Variants in SELENOF observed in about 807,000 individuals in gnomAD.
The protein encoded by SELENOF is selenoprotein F.
Under a neutral mutation model 20.5 loss-of-function variants are expected in SELENOF, and 16 were observed. That is an observed-to-expected ratio of 0.78 (90% confidence interval 0.53 to 1.19). SELENOF has a LOEUF of 1.19. SELENOF is among the 50% of genes most tolerant of loss of function. The pLI, the probability that SELENOF is intolerant of heterozygous loss-of-function variation, is 0.00. For synonymous variants in SELENOF, 78 were observed against 74.5 expected, an observed-to-expected ratio of 1.05 and a Z score of -0.24; for missense variants, 215 against 194.2, an observed-to-expected ratio of 1.11 and a Z score of -0.64.
intron 1 of SELENOF, among the ~76,000 whole-genome samples, chr1:86,911,130 G>A (rs1291787815): frequency 6.6e-6 from 1 of 152,216 alleles, no homozygotes; most frequent in East Asian, 1.9e-4. Context: ...ACTATGGAAC[G>A]TATCTCAGAG....
intron 1 of SELENOF, among the ~76,000 whole-genome samples, chr1:86,911,356 G>C (rs1659976001): frequency 6.6e-6 from 1 of 152,190 alleles, no homozygotes; most frequent in Non-Finnish European, 1.5e-5. Flanking sequence ...TCAAAGGTCT[G>C]GTGAGGGAGA....
intron 2 of SELENOF, among the ~76,000 whole-genome samples, chr1:86,884,070 C>G (rs1659146899): frequency 6.6e-6 from 1 of 152,158 alleles, no homozygotes; most frequent in Non-Finnish European, 1.5e-5. Flanking sequence ...TGTAACTTGA[C>G]AGCAGACAGG....
At chr1:86,873,519 A>G (rs1343711049) in intron 3 of SELENOF, among the ~76,000 whole-genome samples, 5 of 152,154 alleles carry the variant, frequency 3.3e-5, no homozygotes, top group African/African-American at 1.2e-4. Flanking sequence ...AAATGTAGCT[A>G]GTGTGTCTAA....
At chr1:86,886,924 C>T (rs1659233373) in intron 2 of SELENOF, among the ~76,000 whole-genome samples, 1 of 152,134 alleles carries the variant, frequency 6.6e-6, no homozygotes, top group Admixed American at 6.5e-5. Context: ...AAATGAGTCA[C>T]TTTTCCAAAC....
intron 2 of SELENOF, chr1:86,887,079 T>C: frequency 1.4e-6 from 2 of 1,407,572 alleles, no homozygotes; most frequent in East Asian, 2.8e-5. Context: ...TGTTTAGTGA[T>C]CTACTGGTGT....
chr1:86,879,034 T>A (rs1276088290), intron 3 of SELENOF, among the ~76,000 whole-genome samples: 1 of 152,120 alleles, frequency 6.6e-6, no homozygotes, highest in African/African-American at 2.4e-5. Flanking sequence ...ATAATTTACA[T>A]AAGAAATATA....
chr1:86,899,410 G>A (rs1659614154), intron 2 of SELENOF, among the ~76,000 whole-genome samples: 1 of 126,382 alleles, frequency 7.9e-6, no homozygotes, highest in Non-Finnish European at 1.6e-5. Flanking sequence ...TGGCCGGGCA[G>A]GGGGCCGACC....
chr1:86,886,690 C>T (rs1433429003), intron 2 of SELENOF, among the ~76,000 whole-genome samples: 1 of 151,878 alleles, frequency 6.6e-6, no homozygotes, highest in Non-Finnish European at 1.5e-5. Context: ...TGCTATGTAG[C>T]AATATGAAGA....
chr1:86,885,181 C>T (rs916990529), intron 2 of SELENOF, among the ~76,000 whole-genome samples: 4 of 152,050 alleles, frequency 2.6e-5, no homozygotes, highest in Non-Finnish European at 5.9e-5. Flanking sequence ...TTGAGCATCT[C>T]AAATCTGAAA....
intron 1 of SELENOF, among the ~76,000 whole-genome samples, chr1:86,907,078 A>G (rs926531924): frequency 6.6e-6 from 1 of 152,260 alleles, no homozygotes; most frequent in Non-Finnish European, 1.5e-5. Flanking sequence ...TATGCAAAAC[A>G]TCATGTATTT....
intron 3 of SELENOF, among the ~76,000 whole-genome samples, chr1:86,868,716 A>T (rs1166039887): frequency 1.3e-5 from 2 of 152,226 alleles, no homozygotes; most frequent in East Asian, 3.9e-4. Flanking sequence ...GGAGAGGTTA[A>T]AAATACTACC....
chr1:86,903,596 ATTTAAT>A (rs1400306055), intron 1 of SELENOF, 148 bp from the exon 2 acceptor site: 4 of 633,414 alleles, frequency 6.3e-6, no homozygotes, highest in African/African-American at 5.8e-5. Context: ...TTAAATTTTA[ATTTAAT>A]TTTATTTTTT....
chr1:86,905,772 G>A (rs1159878427), intron 1 of SELENOF, among the ~76,000 whole-genome samples: 1 of 152,218 alleles, frequency 6.6e-6, no homozygotes, highest in Non-Finnish European at 1.5e-5. Context: ...TTTATGTGAA[G>A]GGCCAGATAA....
intron 3 of SELENOF, among the ~76,000 whole-genome samples, chr1:86,878,942 ATAAT>A (rs748711586): frequency 2.0e-5 from 3 of 152,208 alleles, no homozygotes; most frequent in South Asian, 2.1e-4. Flanking sequence ...AAGCAAGTAG[ATAAT>A]TAAATATTTA....
intron 1 of SELENOF, among the ~76,000 whole-genome samples, chr1:86,907,300 A>C (rs1231346959): frequency 6.6e-6 from 1 of 152,234 alleles, no homozygotes; most frequent in African/African-American, 2.4e-5. Context: ...AAAAATTACA[A>C]AACACTATAT....
chr1:86,880,907 C>T (rs1659051366), intron 2 of SELENOF, among the ~76,000 whole-genome samples, 182 bp from the exon 3 acceptor site: 1 of 152,086 alleles, frequency 6.6e-6, no homozygotes, highest in Non-Finnish European at 1.5e-5. Flanking sequence ...AAGATGGAGG[C>T]CCAAGTATAA....
chr1:86,874,442 A>C (rs957907267), intron 3 of SELENOF, among the ~76,000 whole-genome samples: 1 of 152,214 alleles, frequency 6.6e-6, no homozygotes, highest in Non-Finnish European at 1.5e-5. Context: ...TTCCCTTAGG[A>C]CTTAGCAAGT....
At chr1:86,871,867 A>G (rs1310701596) in intron 3 of SELENOF, among the ~76,000 whole-genome samples, 1 of 152,242 alleles carries the variant, frequency 6.6e-6, no homozygotes, top group Admixed American at 6.5e-5. Flanking sequence ...TGTGCTCTAT[A>G]GCTGCATGAG....
At chr1:86,906,079 C>T (rs561104) in intron 1 of SELENOF, among the ~76,000 whole-genome samples, 97,517 of 152,054 alleles carry the variant, frequency 0.64, 32,265 homozygotes, top group African/African-American at 0.82. Context: ...AAAATGCTGA[C>T]GTGATATTTT....
Sources: allele counts gnomAD v4.1 joint callset (sites outside exome capture counted in the v4.1 genomes callset), GRCh38; gene constraint gnomAD v4.1.1; transcripts MANE v1.5; gene names NCBI Gene and HGNC (gene_info 2026-07-23, HGNC 2026-07-21).